The following GABRR2 variants were observed in gnomAD, a reference collection of about 807,000 sequenced individuals.
The protein encoded by GABRR2 is gamma-aminobutyric acid type A receptor subunit rho2.
GABRR2 carries 36 observed loss-of-function variants against 47.0 expected under a neutral mutation model. The observed-to-expected ratio is 0.77, with a 90% CI of 0.59 to 1.01. The LOEUF is 1.01. Among genes scored for constraint, GABRR2 ranks in the 50% least tolerant of loss-of-function variants. The pLI is 0.00. For synonymous variants in GABRR2, 204 were observed against 227.5 expected (o/e 0.90, Z 0.93); for missense variants, 587 against 594.6 (o/e 0.99, Z 0.13).
At chr6:89,264,689 C>T in intron 7 of GABRR2, 81 bp from the exon 8 acceptor site, 1 of 1,522,092 alleles carries the variant, frequency 6.6e-7, no homozygotes, top group African/African-American at 1.4e-5. Flanking sequence ...ATTTTACACT[C>T]TCTATCTCTT....
chr6:89,300,473 C>G lies in GABRR2; in HGVS notation c.114-608G>C, dbSNP rs116567055. Among the ~76,000 whole-genome samples the G allele has an allele frequency of 5.8e-3, 884 of 151,134 alleles. 9 individuals carry two copies. The highest frequency in any genetic ancestry group is 0.02 in the African/African-American group (832 of 41,152). ...TGCAGTGAGTGGAGATTGCGCCACC[C>G]GGGTGATAGAGTGAGACTCTGTCGC... On this transcript the variant is annotated intron_variant, in intron 1 of 8. Coordinates refer to ENST00000402938, the MANE Select transcript of GABRR2 (RefSeq NM_002043.5).
chr6:89,266,211 T>A (rs1175883331), intron 6 of GABRR2, among the ~76,000 whole-genome samples: 1 of 152,190 alleles, frequency 6.6e-6, no homozygotes, highest in Non-Finnish European at 1.5e-5. Flanking sequence ...TACAGGTGTG[T>A]GCCACCATGC....
rs572299304 is a variant in GABRR2, at chr6:89,279,398, C to T, written c.221-7676G>A. Among the ~76,000 whole-genome samples, 480 of 151,958 alleles carry T rather than the reference C, an allele frequency of 3.2e-3. 1 individual carries two copies. Among genetic ancestry groups the T allele is most frequent in the Non-Finnish European group, 5.0e-3 (342 of 67,966 alleles). On this transcript the variant is annotated intron_variant, in intron 2 of 8. Transcript: ENST00000402938. Reference sequence around the variant, plus strand: ...GCGTGTGTGTGTGTGTGCATGCATGCGGGTGTGTGCTCACTCTGGTGTGTG... The same window carrying T: ...GCGTGTGTGTGTGTGTGCATGCATGTGGGTGTGTGCTCACTCTGGTGTGTG...
chr6:89,270,436 A>G (rs1277987264), intron 3 of GABRR2: 1 of 152,230 alleles, frequency 6.6e-6, no homozygotes, highest in Non-Finnish European at 1.5e-5. Context: ...CACACTCAGC[A>G]CAGACATCTG....
In GABRR2 at chr6:89,257,643, C is replaced by T; in HGVS notation, c.*27G>A. 6.3e-7 allele frequency: 1 copy of T among 1,576,230 alleles called. No individual in the cohort carries two copies. Among genetic ancestry groups the T allele is most frequent in the Non-Finnish European group, 8.7e-7 (1 of 1,155,816 alleles). The stretch of plus-strand genomic sequence containing the variant: ...GGCCAGGCCCCCTCGATGTCTATGC[C>T]CTCTTCTAGGAACAGCCTTGGAGCC... On this transcript the variant is annotated 3_prime_UTR_variant, in exon 9 of 9. Coordinates refer to ENST00000402938, the MANE Select transcript of GABRR2 (RefSeq NM_002043.5).
chr6:89,280,606 C>A lies in GABRR2; in HGVS notation c.221-8884G>T, dbSNP rs1055135469. On this transcript the variant is annotated intron_variant, in intron 2 of 8. Coordinates refer to ENST00000402938, the MANE Select transcript of GABRR2 (RefSeq NM_002043.5). Reference sequence around the variant, plus strand: ...ACAAGGGTCCTGAACTGTCTCCTGGCCCTGGGCTCCAACGCTGCTGTCATG... The same window carrying A: ...ACAAGGGTCCTGAACTGTCTCCTGGACCTGGGCTCCAACGCTGCTGTCATG... Among the ~76,000 whole-genome samples, 3 of 152,276 alleles carry A rather than the reference C, an allele frequency of 2.0e-5. No homozygotes were observed. In the East Asian group the frequency reaches 5.8e-4, roughly 29 times the overall value.
chr6:89,300,235 T>G (rs532220568), intron 1 of GABRR2, among the ~76,000 whole-genome samples: 2 of 152,064 alleles, frequency 1.3e-5, no homozygotes, highest in Non-Finnish European at 2.9e-5. Context: ...GGGGGCTAGG[T>G]GCAGTGGCTC....
At chr6:89,287,799 C>T (rs1267015479) in intron 2 of GABRR2, among the ~76,000 whole-genome samples, 3 of 152,220 alleles carry the variant, frequency 2.0e-5, no homozygotes, top group Admixed American at 6.5e-5. Flanking sequence ...GCAGAACATT[C>T]TTAATAAATA....
At chr6:89,274,841 A>G (rs1393030155) in intron 2 of GABRR2, among the ~76,000 whole-genome samples, 1 of 151,948 alleles carries the variant, frequency 6.6e-6, no homozygotes, top group African/African-American at 2.4e-5. Context: ...GCACTCCAGC[A>G]TGGGCAATAG....
intron 2 of GABRR2, among the ~76,000 whole-genome samples, chr6:89,294,445 C>T (rs1774522839): frequency 6.6e-6 from 1 of 152,218 alleles, no homozygotes; most frequent in African/African-American, 2.4e-5. Flanking sequence ...CACACCCAGC[C>T]TCTATCAACT....
intron 1 of GABRR2, among the ~76,000 whole-genome samples, chr6:89,301,265 G>A (rs960155224): frequency 6.6e-6 from 1 of 151,974 alleles, no homozygotes; most frequent in Non-Finnish European, 1.5e-5. Flanking sequence ...CATAGCCAAC[G>A]TCATACTAAA....
intron 2 of GABRR2, among the ~76,000 whole-genome samples, chr6:89,293,087 T>A (rs560419569): frequency 1.6e-4 from 24 of 151,996 alleles, no homozygotes; most frequent in Non-Finnish European, 1.9e-4. Flanking sequence ...ATACACAAAA[T>A]GTGGTATACA....
chr6:89,290,301 A>T (rs1261344745), intron 2 of GABRR2, among the ~76,000 whole-genome samples: 1 of 152,194 alleles, frequency 6.6e-6, no homozygotes. Context: ...TTCCTGCCAC[A>T]GCAGGTCCCT....
chr6:89,265,462 T>C, intron 7 of GABRR2, 151 bp downstream of exon 7: 1 of 794,256 alleles, frequency 1.3e-6, no homozygotes, highest in Non-Finnish European at 1.9e-6. Context: ...GGCCAGCATC[T>C]AGATGGTAAA....
rs1400898313 is a variant in GABRR2 at position 89,257,934 on chromosome 6, A to G, written c.1134T>C (p.Asp378=). 2.5e-6 allele frequency: 4 copies of G among 1,613,922 alleles called. No homozygotes were observed. Among genetic ancestry groups the G allele is most frequent in the South Asian group, 1.1e-5 (1 of 91,066 alleles). The change falls in exon 9 of 9, where the codon GAT becomes GAC. Residue 378 remains aspartate, a synonymous_variant. Transcript: ENST00000402938. ...TGGCCTCAGACTCACTGTAGCTTCC[A>G]TCCAGCATCATGGTTTTTGAATGAA... is the stretch of plus-strand genomic sequence containing the variant. ...GMLHSKTMML[D]GSYSESEANS...
intron 1 of GABRR2, 28 bp from the exon 2 acceptor site, chr6:89,299,893 C>T (rs1485390638): frequency 6.9e-7 from 1 of 1,448,286 alleles, no homozygotes; most frequent in African/African-American, 1.4e-5. Context: ...AAACTATTTT[C>T]CATCGGCTCT....
chr6:89,298,904 C>T (rs1774600452), intron 2 of GABRR2, among the ~76,000 whole-genome samples: 2 of 152,164 alleles, frequency 1.3e-5, no homozygotes, highest in Admixed American at 6.5e-5. Flanking sequence ...TGCCTTGCCC[C>T]ACCCACTATG....
intron 2 of GABRR2, among the ~76,000 whole-genome samples, chr6:89,278,090 G>A (rs1441944454): frequency 2.0e-5 from 3 of 152,198 alleles, no homozygotes; most frequent in Non-Finnish European, 4.4e-5. Context: ...ACATTGTGGT[G>A]TATTCATACA....
chr6:89,289,105 T>C (rs1456204668), intron 2 of GABRR2, among the ~76,000 whole-genome samples: 1 of 152,190 alleles, frequency 6.6e-6, no homozygotes, highest in African/African-American at 2.4e-5. Context: ...CTAGGCATGG[T>C]GAGTCCGTCA....
Sources: gnomAD v4.1 joint callset for allele counts (sites outside exome capture counted in the v4.1 genomes callset) on GRCh38, gnomAD v4.1.1 for gene constraint, MANE v1.5 for transcripts, NCBI Gene and HGNC (gene_info 2026-07-23, HGNC 2026-07-21) for gene names.